SKA3: variants seen among roughly 807,000 people sequenced by gnomAD.
SKA3 encodes spindle and kinetochore-associated protein 3.
SKA3 carries 39 observed loss-of-function variants against 44.2 expected under a neutral mutation model. The ratio of observed to expected loss-of-function variants is 0.88; its 90% CI spans 0.68 to 1.15. The LOEUF (loss-of-function observed/expected upper bound fraction) is 1.15, where lower values mean the gene tolerates loss of function less well. SKA3 is among the 50% of genes most tolerant of loss of function. The pLI is 0.00. For missense variants in SKA3, 511 were observed against 485.8 expected (o/e 1.05, Z -0.49); for synonymous variants, 192 against 172.0 (o/e 1.12, Z -0.91).
Position 21,168,121 on chromosome 13 carries a change from G to T in SKA3, c.610C>A (p.Pro204Thr). ...TCATCCATTTTTAGTGCACATTTTG[G>T]AGTTTTTAGTACTTTTACTAGTGAT... ...KQSLVKVLKT[P>T]KCALKMDDFE... is the part of the protein sequence containing the mutation. The change falls in exon 4 of 9, where the codon CCA becomes ACA. Residue 204 changes from proline (P) to threonine (T), a missense_variant. Transcript: ENST00000314759. 1 of 1,614,158 alleles carries T rather than the reference G, an allele frequency of 6.2e-7. No individual in the cohort carries two copies. The highest frequency in any genetic ancestry group is 8.5e-7 in the Non-Finnish European group (1 of 1,180,038).
At chr13:21,158,389 G>A (rs868309453) in intron 6 of SKA3, among the ~76,000 whole-genome samples, 2 of 152,096 alleles carry the variant, frequency 1.3e-5, no homozygotes, top group East Asian at 3.9e-4. Flanking sequence ...TTGGGAGGCC[G>A]AGGTGGGCCG....
chr13:21,155,097 C>A lies in SKA3; in HGVS notation c.*53G>T, dbSNP rs754900563. 1.4e-5 allele frequency: 22 copies of A among 1,610,102 alleles called. No individual in the cohort carries two copies. In the South Asian group the frequency reaches 2.3e-4, roughly 17 times the overall value. ...TGTGAATGTTAAAATCGGTCCAGCT[C>A]GGCTTTCATCTCATTTTGTTCAGTT... On this transcript the variant is annotated 3_prime_UTR_variant, in exon 9 of 9. Coordinates refer to ENST00000314759, the MANE Select transcript of SKA3 (RefSeq NM_145061.6).
In SKA3 at chr13:21,172,364, A is replaced by G; in HGVS notation, c.306T>C (p.Tyr102=). The G allele has an allele frequency of 6.3e-7, 1 of 1,574,950 alleles. No homozygotes were observed. Among genetic ancestry groups the G allele is most frequent in the Non-Finnish European group, 8.6e-7 (1 of 1,164,802 alleles). The change falls in exon 3 of 9, where the codon TAT becomes TAC. Residue 102 remains tyrosine (Y), a synonymous_variant. Coordinates refer to ENST00000314759, the MANE Select transcript of SKA3 (RefSeq NM_145061.6). ...CTGAATTTTTCTTGACACGTGGACTATATCCATACTTCTGGAAATACTCTC... is the reference window on the plus strand; with the variant it reads ...CTGAATTTTTCTTGACACGTGGACTGTATCCATACTTCTGGAAATACTCTC... The part of the protein sequence containing the change: ...KIREYFQKYG[Y]SPRVKKNSVH...
chr13:21,155,100 C>T lies in SKA3; in HGVS notation c.*50G>A, dbSNP rs772840895. ...GAATGTTAAAATCGGTCCAGCTCGG[C>T]TTTCATCTCATTTTGTTCAGTTTCT... On this transcript the variant is annotated 3_prime_UTR_variant, in exon 9 of 9. Coordinates refer to ENST00000314759, the MANE Select transcript of SKA3 (RefSeq NM_145061.6). The T allele has an allele frequency of 6.2e-7, 1 of 1,610,988 alleles. No homozygotes were observed. The highest frequency in any genetic ancestry group is 1.1e-5 in the South Asian group (1 of 90,694).
intron 3 of SKA3, 105 bp from the exon 4 acceptor site, chr13:21,168,504 A>G: frequency 9.8e-7 from 1 of 1,019,154 alleles, no homozygotes; most frequent in African/African-American, 1.6e-5. Context: ...AATCAGCAAA[A>G]GTTCCAATTG....
intron 1 of SKA3, among the ~76,000 whole-genome samples, chr13:21,174,145 T>C (rs1172150736): frequency 6.6e-6 from 1 of 152,238 alleles, no homozygotes; most frequent in African/African-American, 2.4e-5. Flanking sequence ...TTGGTAGGAC[T>C]GTAAACTAGT....
chr13:21,158,399 G>A (rs1870251805), intron 6 of SKA3, among the ~76,000 whole-genome samples: 2 of 152,112 alleles, frequency 1.3e-5, no homozygotes, highest in Admixed American at 1.3e-4. Context: ...GAGGTGGGCC[G>A]ATCATGAGGT....
chr13:21,173,065 GTA>G (rs1193346296), intron 1 of SKA3, among the ~76,000 whole-genome samples: 2 of 152,126 alleles, frequency 1.3e-5, no homozygotes, highest in Non-Finnish European at 2.9e-5. Context: ...TCCCCATTAA[GTA>G]ACATGACTGT....
At chr13:21,175,487 A>G (rs9509578) in intron 1 of SKA3, among the ~76,000 whole-genome samples, 138,724 of 151,432 alleles carry the variant, frequency 0.92, 63,844 homozygotes, top group East Asian at 1. Flanking sequence ...CGTGTTAGCC[A>G]GAATGGTCTC....
Position 21,160,007 on chromosome 13 carries a change from G to T in SKA3, c.830-20C>A, listed in dbSNP as rs369549019. 6 of 1,567,138 alleles carry T rather than the reference G, an allele frequency of 3.8e-6. No homozygotes were observed. The highest frequency in any genetic ancestry group is 5.2e-6 in the Non-Finnish European group (6 of 1,154,524). ...CGGCATCTAAAAGACACATAAAATG[G>T]TCATTAAAAAACTATAACTATAGTA... is the stretch of plus-strand genomic sequence containing the variant. On this transcript the variant is annotated intron_variant, in intron 5 of 8. Transcript: ENST00000314759.
At chr13:21,163,658 T>C (rs1327054600) in intron 4 of SKA3, among the ~76,000 whole-genome samples, 2 of 152,240 alleles carry the variant, frequency 1.3e-5, no homozygotes, top group Non-Finnish European at 2.9e-5. Flanking sequence ...TAGCCAAATA[T>C]GCATCTGGAT....
chr13:21,163,070 C>T (rs566716834), intron 4 of SKA3, among the ~76,000 whole-genome samples: 1 of 152,102 alleles, frequency 6.6e-6, no homozygotes, highest in African/African-American at 2.4e-5. Flanking sequence ...TGTCTAAAAC[C>T]TTTTACCCAG....
At chr13:21,171,342 C>T (rs1419790941) in intron 3 of SKA3, among the ~76,000 whole-genome samples, 1 of 151,990 alleles carries the variant, frequency 6.6e-6, no homozygotes, top group African/African-American at 2.4e-5. Flanking sequence ...TTTGGGAGGC[C>T]GAGACAGGCG....
intron 4 of SKA3, among the ~76,000 whole-genome samples, chr13:21,164,620 G>T (rs571935850): frequency 3.3e-4 from 51 of 152,258 alleles, no homozygotes; most frequent in African/African-American, 1.2e-3. Flanking sequence ...ATCTATTCCT[G>T]TCCATTGCCT....
chr13:21,159,827 CT>C, intron 6 of SKA3, 74 bp downstream of exon 6: 2 of 1,133,102 alleles, frequency 1.8e-6, no homozygotes, highest in South Asian at 3.1e-5. Context: ...TAAACAGACT[CT>C]TTGAGCCTGC....
intron 6 of SKA3, among the ~76,000 whole-genome samples, chr13:21,159,232 T>TA (rs1342829546): frequency 6.6e-6 from 1 of 152,200 alleles, no homozygotes; most frequent in Non-Finnish European, 1.5e-5. Flanking sequence ...TTGGATACCC[T>TA]AATACAGTAT....
In SKA3 at chr13:21,154,125, GA is replaced by G. The variant is rs1284781070; in HGVS notation, c.*1024del. The G allele has an allele frequency of 1.3e-5, 2 of 152,228 alleles. No individual in the cohort carries two copies. The highest frequency in any genetic ancestry group is 2.4e-5 in the African/African-American group (1 of 41,454). 9.4% of individuals were successfully genotyped at this position (152,228 alleles called of 1,614,324 possible). A position where few individuals can be genotyped will look rare whatever the true frequency, so the allele number is the denominator to read the frequency against. On this transcript the variant is annotated 3_prime_UTR_variant, in exon 9 of 9. Transcript: ENST00000314759. ...ATCAAATTCCCAAAACTACGCCTTT[GA>G]AGTAAGTTGACATAATACTTGTTGT...
At chr13:21,168,819 C>G (rs568481757) in intron 3 of SKA3, among the ~76,000 whole-genome samples, 1 of 152,222 alleles carries the variant, frequency 6.6e-6, no homozygotes, top group Non-Finnish European at 1.5e-5. Flanking sequence ...TGAGCCACCA[C>G]ACTCAGCTGA....
chr13:21,170,614 C>T (rs1376426821), intron 3 of SKA3, among the ~76,000 whole-genome samples: 23 of 152,126 alleles, frequency 1.5e-4, no homozygotes, highest in Non-Finnish European at 2.9e-5. Flanking sequence ...TGGCATTATG[C>T]TTTCTGTTAC....
Sources: gnomAD v4.1 joint callset for allele counts (sites outside exome capture counted in the v4.1 genomes callset) on GRCh38, gnomAD v4.1.1 for gene constraint, MANE v1.5 for transcripts, NCBI Gene and HGNC (gene_info 2026-07-23, HGNC 2026-07-21) for gene names.